Variants in ABI3BP observed in about 807,000 individuals in gnomAD.
ABI3BP encodes the protein target of Nesh-SH3.
ABI3BP carries 216 observed loss-of-function variants against 268.6 expected under a neutral mutation model. The ratio of observed to expected loss-of-function variants is 0.80; its 90% CI spans 0.72 to 0.90. ABI3BP has a LOEUF of 0.90. Ranked by LOEUF, ABI3BP falls within the 40% of genes least tolerant of loss-of-function variation. ABI3BP has a pLI of 0.00. For synonymous variants in ABI3BP, 730 were observed against 730.0 expected, an observed-to-expected ratio of 1.00 and a Z score of 0.00; for missense variants, 2,090 against 2,182.4, an observed-to-expected ratio of 0.96 and a Z score of 0.84.
At position 100,993,357 on chromosome 3, in the gene ABI3BP, G is replaced by T. The variant is rs746564536; in HGVS notation, c.28C>A (p.Leu10Ile). The change falls in exon 1 of 68, where the codon CTC (leucine) becomes ATC (isoleucine). Residue 10 changes from leucine (L) to isoleucine (I), a missense_variant. Transcript: ENST00000471714. MLSSLGCLL[L>I]CGSITLALGN... ...AGGGCTAGTGTAATACTTCCACAGA[G>T]AAGTAGACACCCCAAACTGGAGAGC... 79 of 1,553,576 alleles carry T rather than the reference G, an allele frequency of 5.1e-5. No homozygotes were observed. Among genetic ancestry groups the T allele is most frequent in the Non-Finnish European group, 6.8e-5 (78 of 1,147,908 alleles).
intron 1 of ABI3BP, among the ~76,000 whole-genome samples, chr3:100,983,938 T>G (rs749747277): frequency 6.6e-6 from 1 of 152,188 alleles, no homozygotes; most frequent in Non-Finnish European, 1.5e-5. Flanking sequence ...TTTAAAATCC[T>G]GGAGCAAAGC....
chr3:100,865,641 A>G (rs1334327377), intron 10 of ABI3BP, among the ~76,000 whole-genome samples: 2 of 152,184 alleles, frequency 1.3e-5, no homozygotes, highest in African/African-American at 4.8e-5. Flanking sequence ...AATAAACACA[A>G]TAACCCTGAG....
chr3:100,887,663 G>A (rs1175329019), intron 4 of ABI3BP, among the ~76,000 whole-genome samples: 2 of 152,014 alleles, frequency 1.3e-5, no homozygotes, highest in Admixed American at 6.6e-5. Flanking sequence ...TCCTCAAAAG[G>A]TTAGTACCTT....
chr3:100,842,967 T>C (rs1240138189), intron 20 of ABI3BP, among the ~76,000 whole-genome samples: 2 of 152,214 alleles, frequency 1.3e-5, no homozygotes, highest in Non-Finnish European at 2.9e-5. Flanking sequence ...CTTCTACTTA[T>C]ACATTTCTAA....
intron 1 of ABI3BP, among the ~76,000 whole-genome samples, chr3:100,930,101 T>G (rs1293014031): frequency 6.6e-6 from 1 of 151,834 alleles, no homozygotes. Flanking sequence ...CTTTCAACAG[T>G]TAGTATAAAG....
intron 63 of ABI3BP, among the ~76,000 whole-genome samples, chr3:100,756,745 C>T (rs575404677): frequency 4.7e-5 from 7 of 147,714 alleles, no homozygotes; most frequent in Non-Finnish European, 7.4e-5. Context: ...GCTCCATTTT[C>T]AGCATGCCAC....
At chr3:100,923,493 A>C (rs147284807) in intron 2 of ABI3BP, among the ~76,000 whole-genome samples, 3 of 152,220 alleles carry the variant, frequency 2.0e-5, no homozygotes. Flanking sequence ...TAAGGCATAC[A>C]TAAGTGATAT....
intron 55 of ABI3BP, 68 bp from the exon 56 acceptor site, chr3:100,789,584 T>A: frequency 6.8e-7 from 1 of 1,466,388 alleles, no homozygotes; most frequent in Non-Finnish European, 9.3e-7. Context: ...AGATTTAGCA[T>A]CCTAGGGACC....
chr3:100,814,029 A>G (rs184252557), intron 44 of ABI3BP, among the ~76,000 whole-genome samples: 1 of 152,178 alleles, frequency 6.6e-6, no homozygotes, highest in Non-Finnish European at 1.5e-5. Context: ...TTATTGGAAC[A>G]TAGCCATAGA....
chr3:100,922,476 T>C (rs1240580551), intron 2 of ABI3BP, among the ~76,000 whole-genome samples: 1 of 151,698 alleles, frequency 6.6e-6, no homozygotes, highest in Non-Finnish European at 1.5e-5. Flanking sequence ...CAAGGGCCCT[T>C]AAAAGTAGAA....
chr3:100,750,118 A>G lies in ABI3BP; in HGVS notation c.*377T>C, dbSNP rs1025959536. 4.5e-6 allele frequency: 1 copy of G among 223,602 alleles called. No homozygotes were observed. Among genetic ancestry groups the G allele is most frequent in the Non-Finnish European group, 8.6e-6 (1 of 116,464 alleles). 13.9% of individuals were successfully genotyped at this position (223,602 alleles called of 1,614,324 possible). A position where few individuals can be genotyped will look rare whatever the true frequency, so the allele number is the denominator to read the frequency against. On this transcript the variant is annotated 3_prime_UTR_variant, in exon 68 of 68. Transcript: ENST00000471714. ...ATTAACTCATCAATAGGAAGAGTAC[A>G]CATCAATAAAAGTAAATTTTTTTTA...
intron 9 of ABI3BP, among the ~76,000 whole-genome samples, chr3:100,867,449 G>T (rs2099063315): frequency 6.6e-6 from 1 of 151,822 alleles, no homozygotes; most frequent in African/African-American, 2.4e-5. Context: ...AGACCATCCT[G>T]ACTAACACGG....
intron 62 of ABI3BP, among the ~76,000 whole-genome samples, chr3:100,766,984 CCCAATTCA>C (rs1196153984): frequency 6.6e-6 from 1 of 152,044 alleles, no homozygotes; most frequent in Non-Finnish European, 1.5e-5. Context: ...CCAGATAGAC[CCCAATTCA>C]CCAATTCATA....
At position 100,834,788 on chromosome 3, in the gene ABI3BP, C is replaced by G; in HGVS notation, c.2192-15G>C. 3 of 1,535,038 alleles carry G rather than the reference C, an allele frequency of 2.0e-6. No homozygotes were observed. Among genetic ancestry groups the G allele is most frequent in the Non-Finnish European group, 2.6e-6 (3 of 1,146,048 alleles). The stretch of plus-strand genomic sequence containing the variant: ...TGTTTTTGGAGCTAAAGAAAGGAAA[C>G]TGGTTATTGTAGTCATATGACTCCA... On this transcript the variant is annotated splice_polypyrimidine_tract_variant and intron_variant, in intron 28 of 67. Transcript: ENST00000471714.
At chr3:100,912,066 T>G in intron 2 of ABI3BP, 1 of 718,848 alleles carries the variant, frequency 1.4e-6, no homozygotes. Flanking sequence ...TATTCTTGCC[T>G]TCATCTTTTA....
rs911897858 is a variant in ABI3BP at position 100,848,547 on chromosome 3, T to C, written c.1576+254A>G. On this transcript the variant is annotated intron_variant, in intron 18 of 67. Transcript: ENST00000471714. The stretch of plus-strand genomic sequence containing the variant: ...AGTGCAGTGTGCTATTATAGCCCAC[T>C]GCAGCCTCAAACTTCTGGGCTCAAG... 2.0e-5 allele frequency among the ~76,000 whole-genome samples: 3 copies of C among 152,076 alleles called. No individual in the cohort carries two copies. The East Asian group carries it at 5.8e-4, about 29-fold the overall frequency.
intron 1 of ABI3BP, among the ~76,000 whole-genome samples, chr3:100,982,449 G>GA (rs1459089202): frequency 6.6e-6 from 1 of 151,444 alleles, no homozygotes; most frequent in Non-Finnish European, 1.5e-5. Flanking sequence ...TTTTGTTAGA[G>GA]AAAAAAACCC....
At chr3:100,833,071 A>G in intron 30 of ABI3BP, 54 bp downstream of exon 30, 1 of 1,472,742 alleles carries the variant, frequency 6.8e-7, no homozygotes, top group Admixed American at 2.0e-5. Flanking sequence ...ACCATAGCAA[A>G]ATCTGACAAT....
chr3:100,889,900 C>A (rs1214995164), intron 4 of ABI3BP, among the ~76,000 whole-genome samples: 8 of 152,210 alleles, frequency 5.3e-5, no homozygotes, highest in African/African-American at 1.2e-4. Flanking sequence ...GGGAGGGGGG[C>A]ATCTCTCCAC....
Sources: allele counts gnomAD v4.1 joint callset (sites outside exome capture counted in the v4.1 genomes callset), GRCh38; gene constraint gnomAD v4.1.1; transcripts MANE v1.5; gene names NCBI Gene and HGNC (gene_info 2026-07-23, HGNC 2026-07-21).